The following NTM variants were observed in gnomAD, a reference collection of about 807,000 sequenced individuals.
NTM encodes the protein IgLON family member 2.
Under a neutral mutation model 42.1 loss-of-function variants are expected in NTM, and 13 were observed. The ratio of observed to expected loss-of-function variants is 0.31; its 90% CI spans 0.20 to 0.49. The LOEUF is 0.49. NTM is among the 20% of genes least tolerant of loss of function. The pLI is 0.99. For missense variants in NTM, 373 were observed against 452.8 expected (o/e 0.82, Z 1.60); for synonymous variants, 187 against 179.2 (o/e 1.04, Z -0.35).
intron 3 of NTM, among the ~76,000 whole-genome samples, chr11:132,161,909 T>G (rs2074372650): frequency 6.6e-6 from 1 of 152,202 alleles, no homozygotes; most frequent in South Asian, 2.1e-4. Context: ...TCATTTCACT[T>G]AATAAGCACA....
rs534897526 is a variant in NTM at position 132,104,937 on chromosome 11, GTATATATATATATATATATATATATA to G, written c.168-41315_168-41290del. Among the ~76,000 whole-genome samples the G allele has an allele frequency of 1.5e-3, 94 of 61,826 alleles. 4 individuals are homozygous for G. The highest frequency in any genetic ancestry group is 6.5e-3 in the South Asian group (12 of 1,856). The allele number at this position is 61,826 out of a possible 152,430, so 40.6% of individuals were successfully genotyped here. A position where few individuals can be genotyped will look rare whatever the true frequency, so the allele number is the denominator to read the frequency against. On this transcript the variant is annotated intron_variant, in intron 2 of 8. Coordinates refer to ENST00000683400, the MANE Select transcript of NTM (RefSeq NM_001352005.2). ...TCTCTCTCTCTCCATATATACATAT[GTATATATATATATATATATATATATA>G]TATATATATATATATATATATATAT...
chr11:131,596,495 C>A (rs1368219118), intron 1 of NTM, among the ~76,000 whole-genome samples: 5 of 152,194 alleles, frequency 3.3e-5, no homozygotes, highest in Non-Finnish European at 7.3e-5. Context: ...GGTCTGCAGA[C>A]CCCTGACATA....
At chr11:131,656,863 C>G (rs1030444895) in intron 1 of NTM, among the ~76,000 whole-genome samples, 1 of 152,136 alleles carries the variant, frequency 6.6e-6, no homozygotes, top group East Asian at 1.9e-4. Flanking sequence ...AGATGACCTA[C>G]TTCTGCAGAA....
intron 2 of NTM, among the ~76,000 whole-genome samples, chr11:132,050,110 G>C (rs567691888): frequency 3.9e-5 from 6 of 152,180 alleles, no homozygotes. Flanking sequence ...GACACAGTTG[G>C]GTGACTTTAG....
intron 4 of NTM, among the ~76,000 whole-genome samples, chr11:132,288,018 GTTTC>G (rs1488291785): frequency 1.3e-5 from 2 of 152,202 alleles, no homozygotes; most frequent in Non-Finnish European, 2.9e-5. Flanking sequence ...TAAAATTTCA[GTTTC>G]TTTATATGCT....
chr11:131,398,716 T>A (rs1159092634), intron 1 of NTM, among the ~76,000 whole-genome samples: 1 of 152,194 alleles, frequency 6.6e-6, no homozygotes, highest in Admixed American at 6.5e-5. Flanking sequence ...TCACTATACA[T>A]TCTATTACCA....
intron 1 of NTM, among the ~76,000 whole-genome samples, chr11:131,778,510 T>C (rs1013199827): frequency 6.6e-6 from 1 of 152,202 alleles, no homozygotes; most frequent in Non-Finnish European, 1.5e-5. Flanking sequence ...GGAAGTCAAC[T>C]ACAAGAGAGA....
intron 1 of NTM, among the ~76,000 whole-genome samples, chr11:131,674,052 A>T (rs770749852): frequency 1.3e-5 from 2 of 152,226 alleles, no homozygotes; most frequent in South Asian, 2.1e-4. Flanking sequence ...TACAACCTTG[A>T]TACTTCTGAC....
intron 1 of NTM, among the ~76,000 whole-genome samples, chr11:131,784,687 G>T (rs996710779): frequency 5.3e-5 from 8 of 152,130 alleles, no homozygotes; most frequent in Non-Finnish European, 2.9e-5. Flanking sequence ...GACACACACA[G>T]ACACATATAC....
chr11:131,846,029 C>T (rs1026108540), intron 1 of NTM, among the ~76,000 whole-genome samples: 10 of 152,136 alleles, frequency 6.6e-5, no homozygotes, highest in African/African-American at 2.4e-4. Flanking sequence ...TCTTCTGTGT[C>T]TAATTATGGT....
intron 2 of NTM, among the ~76,000 whole-genome samples, chr11:132,129,661 T>C (rs1266256087): frequency 6.6e-6 from 1 of 152,202 alleles, no homozygotes; most frequent in Non-Finnish European, 1.5e-5. Flanking sequence ...TCTTAGGAAA[T>C]AAAAACTGAT....
At chr11:132,220,041 G>A (rs1399985622) in intron 4 of NTM, among the ~76,000 whole-genome samples, 2 of 152,136 alleles carry the variant, frequency 1.3e-5, no homozygotes, top group Admixed American at 1.3e-4. Context: ...TCCCAGGAGG[G>A]CCAAGTAATT....
chr11:131,598,762 CTTT>C lies in NTM; in HGVS notation c.82+227879_82+227881del, dbSNP rs1212590972. ...TTCTTTCTTTCTTTCTTTCTTCTTT[CTTT>C]TTTTCTTTCTTTCTTTCTTCTTTCT... On this transcript the variant is annotated intron_variant, in intron 1 of 8. Transcript: ENST00000683400. Among the ~76,000 whole-genome samples, 2 of 36,814 alleles carry C rather than the reference CTTT, an allele frequency of 5.4e-5. 1 individual carries two copies. The allele number at this position is 36,814 out of a possible 152,430, so 24.2% of individuals were successfully genotyped here.
intron 2 of NTM, among the ~76,000 whole-genome samples, chr11:132,005,756 T>C (rs1029357970): frequency 2.6e-5 from 4 of 152,162 alleles, no homozygotes; most frequent in Non-Finnish European, 5.9e-5. Context: ...TCCTTATTCC[T>C]CCCATTTTCT....
At chr11:131,677,586 C>T (rs2071652637) in intron 1 of NTM, among the ~76,000 whole-genome samples, 1 of 152,162 alleles carries the variant, frequency 6.6e-6, no homozygotes, top group Non-Finnish European at 1.5e-5. Context: ...CCTCTGTGCC[C>T]ACTTCCAAAG....
At chr11:132,147,819 T>A (rs977941328) in intron 3 of NTM, among the ~76,000 whole-genome samples, 5 of 151,922 alleles carry the variant, frequency 3.3e-5, no homozygotes, top group African/African-American at 1.2e-4. Flanking sequence ...AACTATGGGA[T>A]GATTGGTTAG....
rs766814724 is a variant in NTM at position 131,993,286 on chromosome 11, T to C, written c.167+81638T>C. 6.2e-4 allele frequency among the ~76,000 whole-genome samples: 95 copies of C among 152,214 alleles called. 1 individual carries two copies. Among genetic ancestry groups the C allele is most frequent in the Non-Finnish European group, 1.3e-3 (86 of 68,008 alleles). On this transcript the variant is annotated intron_variant, in intron 2 of 8. Transcript: ENST00000683400. ...AAGGTCTTACCTAAAGGAGGAGCCATGCAAACAGAGAGGAGGGCTATCGGG... is the reference window on the plus strand; with the variant it reads ...AAGGTCTTACCTAAAGGAGGAGCCACGCAAACAGAGAGGAGGGCTATCGGG...
At chr11:131,910,902 C>T in intron 1 of NTM, 1 of 986,260 alleles carries the variant, frequency 1.0e-6, no homozygotes, top group Non-Finnish European at 1.2e-6. Context: ...ACGAAGCCCG[C>T]GCGGCCGTCT....
chr11:132,214,020 CACCGCGCCCGG>C lies in NTM; in HGVS notation c.526+1874_526+1884del, dbSNP rs1236711552. Among the ~76,000 whole-genome samples the C allele has an allele frequency of 1.1e-4, 7 of 61,354 alleles. 1 individual carries two copies. Among genetic ancestry groups the C allele is most frequent in the Non-Finnish European group, 3.1e-4 (7 of 22,550 alleles). The allele number at this position is 61,354 out of a possible 152,430, so 40.3% of individuals were successfully genotyped here. On this transcript the variant is annotated intron_variant, in intron 4 of 8. Transcript: ENST00000683400. ...AAGTGCTGGGATTACAGGCGTGAGC[CACCGCGCCCGG>C]CGGGCCACCATTCTTGACACTGTAA... is the stretch of plus-strand genomic sequence containing the variant.
Sources: allele counts gnomAD v4.1 joint callset (sites outside exome capture counted in the v4.1 genomes callset), GRCh38; gene constraint gnomAD v4.1.1; transcripts MANE v1.5; gene names NCBI Gene and HGNC (gene_info 2026-07-23, HGNC 2026-07-21).